NTM: variants seen among roughly 807,000 people sequenced by gnomAD.
NTM encodes the protein neurotrimin.
A neutral mutation model predicts 42.1 loss-of-function variants in NTM; 13 were observed. The observed-to-expected ratio is 0.31, with a 90% CI of 0.20 to 0.49. The LOEUF is 0.49. NTM is among the 20% of genes least tolerant of loss of function. The probability of loss-of-function intolerance (pLI) is 0.99; values close to 1 mark genes in which losing one functional copy is unlikely to be tolerated. For missense variants in NTM, 373 were observed against 452.8 expected (o/e 0.82, Z 1.60); for synonymous variants, 187 against 179.2 (o/e 1.04, Z -0.35).
chr11:132,284,693 C>T (rs2094153822), intron 4 of NTM: 2 of 152,766 alleles, frequency 1.3e-5, no homozygotes, highest in Admixed American at 1.3e-4. Flanking sequence ...CAGCCCATAA[C>T]AACTGGTCAG....
chr11:131,541,377 T>C (rs2053224750), intron 1 of NTM, among the ~76,000 whole-genome samples: 1 of 152,196 alleles, frequency 6.6e-6, no homozygotes. Flanking sequence ...GATGCCCTTC[T>C]TGGTTGCAAA....
intron 3 of NTM, among the ~76,000 whole-genome samples, chr11:132,170,849 T>C (rs2076014404): frequency 6.6e-6 from 1 of 152,176 alleles, no homozygotes; most frequent in Non-Finnish European, 1.5e-5. Flanking sequence ...GTGTTGGGAA[T>C]AGGAAAATGA....
chr11:131,555,081 G>A (rs1310623687), intron 1 of NTM, among the ~76,000 whole-genome samples: 1 of 152,110 alleles, frequency 6.6e-6, no homozygotes, highest in African/African-American at 2.4e-5. Context: ...ACAATTACTT[G>A]AGCTCAGGAA....
rs185762165 is a variant in NTM, at chr11:131,630,555, G to T, written c.82+259667G>T. ...CCACAAAGTATTTCCTCTTCCCTCT[G>T]CATTCATTCACTTTGCATAGTCTGT... On this transcript the variant is annotated intron_variant, in intron 1 of 8. Transcript: ENST00000683400. Among the ~76,000 whole-genome samples, 246 of 152,186 alleles carry T rather than the reference G, an allele frequency of 1.6e-3. 1 individual carries two copies. The highest frequency in any genetic ancestry group is 4.2e-3 in the Admixed American group (65 of 15,298).
chr11:132,304,753 A>G (rs1052036718), intron 4 of NTM, among the ~76,000 whole-genome samples: 1 of 152,208 alleles, frequency 6.6e-6, no homozygotes, highest in Non-Finnish European at 1.5e-5. Context: ...ATTACTATGT[A>G]CAAGTCACTT....
At chr11:131,911,271 T>G in intron 1 of NTM, 1 of 1,422,694 alleles carries the variant, frequency 7.0e-7, no homozygotes, top group Non-Finnish European at 9.2e-7. Flanking sequence ...GAACCGGTTT[T>G]CCGAGGCTGG....
At chr11:132,188,016 G>A (rs1454586999) in intron 3 of NTM, among the ~76,000 whole-genome samples, 1 of 152,162 alleles carries the variant, frequency 6.6e-6, no homozygotes, top group African/African-American at 2.4e-5. Context: ...AGCTAGCCCA[G>A]CAGCTCTGCA....
chr11:131,883,937 G>A lies in NTM; in HGVS notation c.83-27627G>A, dbSNP rs78694775. On this transcript the variant is annotated intron_variant, in intron 1 of 8. Coordinates refer to ENST00000683400, the MANE Select transcript of NTM (RefSeq NM_001352005.2). ...TCTTTTATTAAAGGGATGCATGTTT[G>A]TGTGCACTGGGGGAGGAAGTGGCCA... 6.0e-3 allele frequency among the ~76,000 whole-genome samples: 914 copies of A among 152,284 alleles called. 8 individuals are homozygous for A. The highest frequency in any genetic ancestry group is 8.5e-3 in the Non-Finnish European group (579 of 68,024).
intron 1 of NTM, among the ~76,000 whole-genome samples, chr11:131,407,332 C>T (rs990333177): frequency 3.9e-5 from 6 of 152,300 alleles, no homozygotes; most frequent in Admixed American, 2.6e-4. Context: ...AGACAGCCCT[C>T]TGCACTGGCA....
intron 1 of NTM, among the ~76,000 whole-genome samples, chr11:131,592,142 A>G (rs1021001859): frequency 4.6e-5 from 7 of 152,170 alleles, no homozygotes; most frequent in Non-Finnish European, 1.0e-4. Flanking sequence ...ACTTAATCCT[A>G]TTTAACTTAG....
intron 2 of NTM, among the ~76,000 whole-genome samples, chr11:132,083,643 A>C (rs2059357850): frequency 6.6e-6 from 1 of 151,518 alleles, no homozygotes; most frequent in Non-Finnish European, 1.5e-5. Flanking sequence ...GTATGAGGCC[A>C]ATATCCCCAG....
At chr11:131,618,257 C>T (rs1565716213) in intron 1 of NTM, among the ~76,000 whole-genome samples, 1 of 152,192 alleles carries the variant, frequency 6.6e-6, no homozygotes, top group Non-Finnish European at 1.5e-5. Flanking sequence ...CAGGTCTGCG[C>T]CTACAGCCAT....
At chr11:131,754,625 C>CAAA (rs35686470) in intron 1 of NTM, among the ~76,000 whole-genome samples, 1 of 147,118 alleles carries the variant, frequency 6.8e-6, no homozygotes, top group African/African-American at 2.5e-5. Context: ...ACCCCAACTC[C>CAAA]AAAAAAAAAA....
chr11:131,440,733 A>T (rs994024982), intron 1 of NTM, among the ~76,000 whole-genome samples: 2 of 146,008 alleles, frequency 1.4e-5, no homozygotes, highest in African/African-American at 5.0e-5. Context: ...GGTTCCACAG[A>T]TGAGTGACGG....
intron 1 of NTM, among the ~76,000 whole-genome samples, chr11:131,393,534 C>G (rs753299335): frequency 2.6e-5 from 4 of 152,158 alleles, no homozygotes; most frequent in African/African-American, 9.7e-5. Flanking sequence ...CAGCAGCAAC[C>G]GCCCATCCTT....
intron 1 of NTM, among the ~76,000 whole-genome samples, chr11:131,508,090 G>A (rs1357912911): frequency 3.4e-5 from 5 of 147,828 alleles, no homozygotes; most frequent in Non-Finnish European, 7.5e-5. Flanking sequence ...CCATCAGAGT[G>A]AACAGGCAAC....
chr11:132,046,306 T>C (rs969761598), intron 2 of NTM, among the ~76,000 whole-genome samples: 3 of 152,002 alleles, frequency 2.0e-5, no homozygotes, highest in African/African-American at 7.3e-5. Context: ...ATTGTATTTA[T>C]TTTTTGTTGA....
intron 1 of NTM, among the ~76,000 whole-genome samples, chr11:131,812,102 T>C (rs2092754046): frequency 6.6e-6 from 1 of 152,060 alleles, no homozygotes; most frequent in African/African-American, 2.4e-5. Flanking sequence ...AGAACTGACT[T>C]TAAAACTCCA....
intron 1 of NTM, among the ~76,000 whole-genome samples, chr11:131,784,803 T>A (rs550085273): frequency 6.6e-6 from 1 of 152,334 alleles, no homozygotes; most frequent in South Asian, 2.1e-4. Flanking sequence ...TTCACAATCG[T>A]TCTAAATCTA....
Sources: allele counts gnomAD v4.1 joint callset (sites outside exome capture counted in the v4.1 genomes callset), GRCh38; gene constraint gnomAD v4.1.1; transcripts MANE v1.5; gene names NCBI Gene and HGNC (gene_info 2026-07-23, HGNC 2026-07-21).